Variants in NOXO1 observed in about 807,000 individuals in gnomAD.
The protein encoded by NOXO1 is NADPH oxidase organizer 1.
Under a neutral mutation model 33.3 loss-of-function variants are expected in NOXO1, and 38 were observed. That is an observed-to-expected ratio of 1.14 (90% CI 0.88 to 1.50). The LOEUF (loss-of-function observed/expected upper bound fraction) is 1.50, where lower values mean the gene tolerates loss of function less well. NOXO1 is among the 40% of genes most tolerant of loss of function. The probability of loss-of-function intolerance (pLI) is 0.00; values close to 1 mark genes in which losing one functional copy is unlikely to be tolerated. For synonymous variants in NOXO1, 302 were observed against 237.3 expected, an observed-to-expected ratio of 1.27 and a Z score of -2.51; for missense variants, 675 against 527.1, an observed-to-expected ratio of 1.28 and a Z score of -2.75.
chr16:1,979,491 A>G lies in NOXO1; in HGVS notation c.752T>C (p.Leu251Pro). The change falls in exon 7 of 8, where the codon CTG becomes CCG. Residue 251 changes from leucine to proline, a missense_variant. Leu to Pro is a moderately conservative substitution (Grantham distance 98). Transcript: ENST00000356120. ...CACGCGCGCCCCCGCGGGCACGGAC[A>G]GCTCATCTGCGCGGCTGCTCTCGTA... The part of the protein sequence containing the change: ...RAYESSRADE[L>P]SVPAGARVRV... The G allele has an allele frequency of 6.2e-7, 1 of 1,612,000 alleles. No individual in the cohort carries two copies. The highest frequency in any genetic ancestry group is 1.7e-4 in the Middle Eastern group (1 of 6,054).
In NOXO1 at chr16:1,980,552, C is replaced by T. The variant is rs781335436; in HGVS notation, c.224-8G>A. The stretch of plus-strand genomic sequence containing the variant: ...GTCCCAACAGTGGTGCATCTTAAGG[C>T]ACCACAAAAACGTACTGTGATACGC... On this transcript the variant is annotated splice_region_variant and splice_polypyrimidine_tract_variant and intron_variant, in intron 3 of 7. Transcript: ENST00000356120. The T allele has an allele frequency of 5.6e-6, 9 of 1,599,922 alleles. No individual in the cohort carries two copies. The East Asian group carries it at 1.1e-4, about 20-fold the overall frequency.
At position 1,980,014 on chromosome 16, in the gene NOXO1, A is replaced by G. The variant is rs1218862573; in HGVS notation, c.569T>C (p.Leu190Pro). The change falls in exon 5 of 8, where the codon CTG becomes CCG. Residue 190 changes from leucine (L) to proline (P), a missense_variant. Coordinates refer to ENST00000356120, the MANE Select transcript of NOXO1 (RefSeq NM_172167.3). ...QAQAQESLDV[L>P]LRHPSGWWLV... Reference sequence around the variant, plus strand: ...GGCCCTACCTGAGGGGTGCCGCAGCAGCACGTCCAGGCTCTCCTGGGCCTG... The same window carrying G: ...GGCCCTACCTGAGGGGTGCCGCAGCGGCACGTCCAGGCTCTCCTGGGCCTG... 2 of 1,605,376 alleles carry G rather than the reference A, an allele frequency of 1.2e-6. No homozygotes were observed. Among genetic ancestry groups the G allele is most frequent in the East Asian group, 4.5e-5 (2 of 44,638 alleles).
chr16:1,980,674 C>T lies in NOXO1; in HGVS notation c.205G>A (p.Val69Ile), dbSNP rs776086845. ...EAGLLRRSDR[V>I]LPKLLDAPLL... is the part of the protein sequence containing the mutation. ...GCCTGACCGAGAAGCTTTGGGAGAACGCGGTCAGATCTCCGCAGCAGGCCC... is the reference window on the plus strand; with the variant it reads ...GCCTGACCGAGAAGCTTTGGGAGAATGCGGTCAGATCTCCGCAGCAGGCCC... The change falls in exon 3 of 8, where the codon GTT (valine) becomes ATT (isoleucine). Residue 69 changes from valine (V) to isoleucine (I), a missense_variant. Coordinates refer to ENST00000356120, the MANE Select transcript of NOXO1 (RefSeq NM_172167.3). 78 of 1,606,948 alleles carry T rather than the reference C, an allele frequency of 4.9e-5. No homozygotes were observed. Among genetic ancestry groups the T allele is most frequent in the East Asian group, 3.4e-4 (15 of 44,708 alleles).
At chr16:1,980,597 C>G in intron 3 of NOXO1, 53 bp from the exon 4 acceptor site, 1 of 1,590,304 alleles carries the variant, frequency 6.3e-7, no homozygotes, top group East Asian at 2.3e-5. Flanking sequence ...CTTCACTGGT[C>G]CCTGGCGCCC....
At position 1,979,252 on chromosome 16, in the gene NOXO1, G is replaced by A. The variant is rs1392371926; in HGVS notation, c.916C>T (p.Pro306Ser). The change falls in exon 8 of 8, where the codon CCG becomes TCG. Residue 306 changes from proline to serine, a missense_variant. Pro to Ser is a moderately conservative substitution (Grantham distance 74). Coordinates refer to ENST00000356120, the MANE Select transcript of NOXO1 (RefSeq NM_172167.3). ...SGTGFRGGDDPAGEARGFPEP... is the reference protein window; with the variant it reads ...SGTGFRGGDDSAGEARGFPEP... The stretch of plus-strand genomic sequence containing the variant: ...GGGAAGCCCCGGGCCTCACCCGCCG[G>A]GTCGTCTCCTCCACGGAACCCCGTC... The A allele has an allele frequency of 6.6e-7, 1 of 1,520,870 alleles. No homozygotes were observed. The allele number at this position is 1,520,870 out of a possible 1,614,324, so 94.2% of individuals were successfully genotyped here. A position where few individuals can be genotyped will look rare whatever the true frequency, so the allele number is the denominator to read the frequency against.
chr16:1,979,887 C>T lies in NOXO1; in HGVS notation c.603G>A (p.Glu201=), dbSNP rs770928987. Residue 201 remains glutamate (E), a synonymous_variant, in exon 6 of 8, where the codon GAG becomes GAA. Coordinates refer to ENST00000356120, the MANE Select transcript of NOXO1 (RefSeq NM_172167.3). ...LRHPSGWWLV[E]NEDRQTAWFP... ...ACCAGGCGGTCTGCCGGTCTTCGTTCTCCACCAGCCACCAGCCTGTGCGCA... is the reference window on the plus strand; with the variant it reads ...ACCAGGCGGTCTGCCGGTCTTCGTTTTCCACCAGCCACCAGCCTGTGCGCA... The T allele has an allele frequency of 3.2e-6, 5 of 1,583,154 alleles. No homozygotes were observed. In the African/African-American group the frequency reaches 4.0e-5, roughly 13 times the overall value.
At chr16:1,979,374 GGCCCCGCCCGCCTCGGCTAGCCT>G in intron 7 of NOXO1, 25 bp from the exon 8 acceptor site, 1 of 1,588,072 alleles carries the variant, frequency 6.3e-7, no homozygotes, top group Non-Finnish European at 8.5e-7. Flanking sequence ...GTGTGGTTAG[GGCCCCGCCCGCCTCGGCTAGCCT>G]GCCCTGCCCA....
Position 1,980,472 on chromosome 16 carries a change from G to A in NOXO1, c.296C>T (p.Ser99Phe), listed in dbSNP as rs745973276. Residue 99 changes from serine to phenylalanine, a missense_variant, in exon 4 of 8, where the codon TCT (serine) becomes TTT (phenylalanine). Physicochemically the swap from Ser to Phe is radical, Grantham distance 155. Transcript: ENST00000356120. ...CTCTGCAGTCGCCAGCAGCCTCCGA[G>A]AATAGGTTTCCAACAGCTGCAGGCG... ...LARLQLLETYSRRLLATAERV... is the reference protein window; with the variant it reads ...LARLQLLETYFRRLLATAERV... The A allele has an allele frequency of 6.2e-7, 1 of 1,602,388 alleles. No homozygotes were observed. Among genetic ancestry groups the A allele is most frequent in the Non-Finnish European group, 8.5e-7 (1 of 1,179,850 alleles).
In NOXO1 at chr16:1,981,335, G is replaced by A; in HGVS notation, c.-156C>T. On this transcript the variant is annotated 5_prime_UTR_variant, in exon 1 of 8. Transcript: ENST00000356120. ...GTCCTTGTGGAGCCGCCCCAGCTGA[G>A]TCCTTTGCAGCTTTCTTGCTGTCCC... 3 of 1,438,602 alleles carry A rather than the reference G, an allele frequency of 2.1e-6. No individual in the cohort carries two copies. The highest frequency in any genetic ancestry group is 2.5e-5 in the East Asian group (1 of 40,042). The allele number at this position is 1,438,602 out of a possible 1,614,324, so 89.1% of individuals were successfully genotyped here.
chr16:1,979,044 C>T lies in NOXO1; in HGVS notation c.*8G>A. Reference sequence around the variant, plus strand: ...GCGCGGTCCATCCCCTCATCGGGATCCTCGCGCTCACTGCTCCGTCGTGGG... The same window carrying T: ...GCGCGGTCCATCCCCTCATCGGGATTCTCGCGCTCACTGCTCCGTCGTGGG... On this transcript the variant is annotated 3_prime_UTR_variant, in exon 8 of 8. Coordinates refer to ENST00000356120, the MANE Select transcript of NOXO1 (RefSeq NM_172167.3). 6.5e-7 allele frequency: 1 copy of T among 1,543,300 alleles called. No homozygotes were observed. Among genetic ancestry groups the T allele is most frequent in the African/African-American group, 1.4e-5 (1 of 72,886 alleles).
Position 1,979,444 on chromosome 16 carries a change from G to A in NOXO1, c.799C>T (p.Arg267Cys), listed in dbSNP as rs1334267774. Residue 267 changes from arginine (R) to cysteine (C), a missense_variant, in exon 7 of 8, where the codon CGC becomes TGC. Transcript: ENST00000356120. ...GCGTACCTGCATAGCCACCAGCCGC[G>A]GTCTGACGTTTCCAACACGCGCACG... The part of the protein sequence containing the change: ...ARVRVLETSD[R>C]GWWLCRYGDR... 1 of 1,610,524 alleles carries A rather than the reference G, an allele frequency of 6.2e-7. No homozygotes were observed. Among genetic ancestry groups the A allele is most frequent in the Non-Finnish European group, 8.5e-7 (1 of 1,179,268 alleles).
At position 1,980,383 on chromosome 16, in the gene NOXO1, C is replaced by A; in HGVS notation, c.385G>T (p.Ala129Ser). The A allele has an allele frequency of 1.2e-6, 2 of 1,601,266 alleles. No homozygotes were observed. Among genetic ancestry groups the A allele is most frequent in the Non-Finnish European group, 1.7e-6 (2 of 1,179,098 alleles). ...GTCAGGCACCTGCCGGGTGGCAGCG[C>A]GGGCTCCAGGTCCAGGGGTTGCGGT... ...FAPQPLDLEPALPPGSRVILP... is the reference protein window; with the variant it reads ...FAPQPLDLEPSLPPGSRVILP... Residue 129 changes from alanine (A) to serine (S), a missense_variant, in exon 4 of 8, where the codon GCG (alanine) becomes TCG (serine). Ala to Ser is a moderately conservative substitution (Grantham distance 99). Coordinates refer to ENST00000356120, the MANE Select transcript of NOXO1 (RefSeq NM_172167.3).
At position 1,979,443 on chromosome 16, in the gene NOXO1, C is replaced by CG. The variant is rs748038050; in HGVS notation, c.799dup (p.Arg267ProfsTer43). On this transcript the variant is annotated frameshift_variant, in exon 7 of 8. Coordinates refer to ENST00000356120, the MANE Select transcript of NOXO1 (RefSeq NM_172167.3). LOFTEE classifies it low-confidence loss of function (END_TRUNC). ...CGCGTACCTGCATAGCCACCAGCCG[C>CG]GGTCTGACGTTTCCAACACGCGCAC... The CG allele has an allele frequency of 6.2e-7, 1 of 1,610,458 alleles. No individual in the cohort carries two copies. Among genetic ancestry groups the CG allele is most frequent in the Non-Finnish European group, 8.5e-7 (1 of 1,179,232 alleles).
chr16:1,979,044 C>A lies in NOXO1; in HGVS notation c.*8G>T. ...GCGCGGTCCATCCCCTCATCGGGATCCTCGCGCTCACTGCTCCGTCGTGGG... is the reference window on the plus strand; with the variant it reads ...GCGCGGTCCATCCCCTCATCGGGATACTCGCGCTCACTGCTCCGTCGTGGG... On this transcript the variant is annotated 3_prime_UTR_variant, in exon 8 of 8. Transcript: ENST00000356120. 1 of 1,543,300 alleles carries A rather than the reference C, an allele frequency of 6.5e-7. No individual in the cohort carries two copies.
Position 1,979,050 on chromosome 16 carries a change from G to A in NOXO1, c.*2C>T. On this transcript the variant is annotated 3_prime_UTR_variant, in exon 8 of 8. Transcript: ENST00000356120. ...TCCATCCCCTCATCGGGATCCTCGC[G>A]CTCACTGCTCCGTCGTGGGGTGCGG... The A allele has an allele frequency of 1.3e-6, 2 of 1,544,272 alleles. No individual in the cohort carries two copies. Among genetic ancestry groups the A allele is most frequent in the Non-Finnish European group, 1.7e-6 (2 of 1,155,692 alleles).
chr16:1,979,766 T>C, intron 6 of NOXO1, 24 bp downstream of exon 6: 4 of 1,472,588 alleles, frequency 2.7e-6, no homozygotes, highest in African/African-American at 1.4e-5. Flanking sequence ...AGTGGTGGCG[T>C]GAGGGGTGGG....
At position 1,979,231 on chromosome 16, in the gene NOXO1, A is replaced by C; in HGVS notation, c.937T>G (p.Phe313Val). The C allele has an allele frequency of 8.7e-6, 13 of 1,499,810 alleles. No homozygotes were observed. The highest frequency in any genetic ancestry group is 1.1e-5 in the Non-Finnish European group (13 of 1,131,576). 92.9% of individuals were successfully genotyped at this position (1,499,810 alleles called of 1,614,324 possible). The change falls in exon 8 of 8, where the codon TTC becomes GTC. Residue 313 changes from phenylalanine to valine, a missense_variant. Coordinates refer to ENST00000356120, the MANE Select transcript of NOXO1 (RefSeq NM_172167.3). ...GCGGTGGCCTGGGAGGGTTCAGGGA[A>C]GCCCCGGGCCTCACCCGCCGGGTCG... Reference protein sequence around the residue: ...GDDPAGEARGFPEPSQATAPP... With the variant: ...GDDPAGEARGVPEPSQATAPP...
Position 1,981,224 on chromosome 16 carries a change from C to G in NOXO1, c.-45G>C. The G allele has an allele frequency of 6.2e-7, 1 of 1,611,660 alleles. No individual in the cohort carries two copies. On this transcript the variant is annotated 5_prime_UTR_variant, in exon 1 of 8. Transcript: ENST00000356120. ...CAGATTCCTGAAATGGGCGAGGACC[C>G]TTCTGCCTCCCCGTGCTTGAGAGGG... is the stretch of plus-strand genomic sequence containing the variant.
chr16:1,980,821 G>A (rs1042872101), intron 2 of NOXO1, 90 bp from the exon 3 acceptor site: 1 of 1,483,966 alleles, frequency 6.7e-7, no homozygotes, highest in African/African-American at 1.4e-5. Flanking sequence ...CAGGGGCTGG[G>A]AGCTTCAGCA....
Sources: gnomAD v4.1 joint callset for allele counts on GRCh38, gnomAD v4.1.1 for gene constraint, MANE v1.5 for transcripts, NCBI Gene and HGNC (gene_info 2026-07-23, HGNC 2026-07-21) for gene names.